Variants in ZNF224 observed in about 807,000 individuals in gnomAD.
The protein encoded by ZNF224 is zinc finger protein 224.
Under a neutral mutation model 10.5 loss-of-function variants are expected in ZNF224, and 8 were observed. That is an observed-to-expected ratio of 0.76 (90% CI 0.45 to 1.37). ZNF224 has a LOEUF of 1.37. Among genes scored for constraint, ZNF224 ranks in the 40% most tolerant of loss-of-function variants. The pLI is 0.00. For missense variants in ZNF224, 754 were observed against 854.0 expected (o/e 0.88, Z 1.46); for synonymous variants, 282 against 287.8 (o/e 0.98, Z 0.20).
At chr19:44,106,234 G>T in intron 5 of ZNF224, 162 bp from the exon 6 acceptor site, 1 of 680,894 alleles carries the variant, frequency 1.5e-6, no homozygotes, top group Non-Finnish European at 2.5e-6. Flanking sequence ...GGTTTAGTTC[G>T]AAATTGGCCT....
chr19:44,105,179 A>G (rs867319875), intron 5 of ZNF224, among the ~76,000 whole-genome samples: 2 of 152,184 alleles, frequency 1.3e-5, no homozygotes, highest in Non-Finnish European at 2.9e-5. Flanking sequence ...CCAGTGACCT[A>G]GTTTTACTCT....
rs750442629 is a variant in ZNF224, at chr19:44,101,174, G to C, written c.184G>C (p.Glu62Gln). Residue 62 changes from glutamate to glutamine, a missense_variant, in exon 5 of 6, where the codon GAA (glutamate) becomes CAA (glutamine). Coordinates refer to ENST00000693561, the MANE Select transcript of ZNF224 (RefSeq NM_001321645.3). ...CAGGGATACTTTCCACTTCCTAAGG[G>C]AAGAAAAGATTTGGATGATGAAGAC... ...FHRDTFHFLR[E>Q]EKIWMMKTAI... 1 of 1,614,158 alleles carries C rather than the reference G, an allele frequency of 6.2e-7. No individual in the cohort carries two copies. The highest frequency in any genetic ancestry group is 2.2e-5 in the East Asian group (1 of 44,880).
Position 44,107,945 on chromosome 19 carries a change from A to T in ZNF224, c.1785A>T (p.Pro595=), listed in dbSNP as rs201589103. ...SHQRVHTGEK[P]YKCDECGKGF... is the part of the protein sequence containing the mutation. ...AAAGAGTGCACACTGGAGAAAAGCC[A>T]TACAAATGTGATGAGTGTGGGAAGG... Residue 595 remains proline, a synonymous_variant, in exon 6 of 6, where the codon CCA becomes CCT. Coordinates refer to ENST00000693561, the MANE Select transcript of ZNF224 (RefSeq NM_001321645.3). 39 of 1,614,236 alleles carry T rather than the reference A, an allele frequency of 2.4e-5. No individual in the cohort carries two copies. In the African/African-American group the frequency reaches 5.1e-4, roughly 21 times the overall value.
intron 5 of ZNF224, among the ~76,000 whole-genome samples, chr19:44,103,731 C>A (rs1967592797): frequency 6.6e-6 from 1 of 151,988 alleles, no homozygotes. Flanking sequence ...CACTCTGTCA[C>A]CCATGCTGGA....
At position 44,107,380 on chromosome 19, in the gene ZNF224, A is replaced by G. The variant is rs1409257216; in HGVS notation, c.1220A>G (p.Lys407Arg). ...CCATTCAAATGTGAAGAATGTGGGA[A>G]AGGATTTTACACAAATTCACAATGC... ...EKPFKCEECG[K>R]GFYTNSQCYS... The change falls in exon 6 of 6, where the codon AAA (lysine) becomes AGA (arginine). Residue 407 changes from lysine to arginine, a missense_variant. By Grantham distance (26) the Lys-to-Arg change is conservative (BLOSUM62 2). Coordinates refer to ENST00000693561, the MANE Select transcript of ZNF224 (RefSeq NM_001321645.3). 1.2e-6 allele frequency: 2 copies of G among 1,603,116 alleles called. No homozygotes were observed. Among genetic ancestry groups the G allele is most frequent in the Admixed American group, 1.7e-5 (1 of 57,806 alleles).
chr19:44,106,393 T>C lies in ZNF224; in HGVS notation c.236-3T>C, dbSNP rs1967659674. ...CTCATCTTTTAATTCTGTATTCTGA[T>C]AGGAGACAAGATCCAAACTGAGATG... On this transcript the variant is annotated splice_region_variant and splice_polypyrimidine_tract_variant and intron_variant, in intron 5 of 5. Coordinates refer to ENST00000693561, the MANE Select transcript of ZNF224 (RefSeq NM_001321645.3). The C allele has an allele frequency of 6.2e-7, 1 of 1,614,094 alleles. No individual in the cohort carries two copies.
chr19:44,097,667 G>A, intron 2 of ZNF224, 139 bp from the exon 3 acceptor site: 1 of 537,734 alleles, frequency 1.9e-6, no homozygotes, highest in Non-Finnish European at 3.3e-6. Flanking sequence ...GGGCATTTTG[G>A]TTGTGCCGTT....
At chr19:44,095,120 C>T in intron 1 of ZNF224, 1 of 237,862 alleles carries the variant, frequency 4.2e-6, no homozygotes, top group Non-Finnish European at 8.9e-6. Context: ...AGAAGAGCTG[C>T]AGGGAGGGAC....
In ZNF224 at chr19:44,106,953, T is replaced by G. The variant is rs1356507173; in HGVS notation, c.793T>G (p.Cys265Gly). The change falls in exon 6 of 6, where the codon TGC (cysteine) becomes GGC (glycine). Residue 265 changes from cysteine (C) to glycine (G), a missense_variant. By Grantham distance (159) the Cys-to-Gly change is radical. Coordinates refer to ENST00000693561, the MANE Select transcript of ZNF224 (RefSeq NM_001321645.3). ...TGEKPYNCEE[C>G]GKAFIHDSQL... ...AGAGAAACCTTATAATTGTGAGGAA[T>G]GCGGGAAGGCCTTCATTCACGATTC... 1 of 1,610,540 alleles carries G rather than the reference T, an allele frequency of 6.2e-7. No homozygotes were observed. The highest frequency in any genetic ancestry group is 8.5e-7 in the Non-Finnish European group (1 of 1,177,946).
intron 5 of ZNF224, among the ~76,000 whole-genome samples, chr19:44,101,894 C>CCATAGTCAT (rs1967555117): frequency 6.6e-6 from 1 of 152,140 alleles, no homozygotes; most frequent in African/African-American, 2.4e-5. Context: ...ACTTGCATCC[C>CCATAGTCAT]CATAGTCATG....
chr19:44,098,281 C>T (rs1967481441), intron 3 of ZNF224, among the ~76,000 whole-genome samples: 1 of 152,132 alleles, frequency 6.6e-6, no homozygotes, highest in East Asian at 1.9e-4. Context: ...ATGGTTGCAC[C>T]ATATTCCCAT....
At position 44,108,431 on chromosome 19, in the gene ZNF224, A is replaced by C. The variant is rs2147538864; in HGVS notation, c.*147A>C. ...TTATCTCTGAATCCATGCTGGTGAT[A>C]AATTTCACCCATTCTTGGAAGAGGG... On this transcript the variant is annotated 3_prime_UTR_variant, in exon 6 of 6. Transcript: ENST00000693561. 1.2e-6 allele frequency: 1 copy of C among 866,088 alleles called. No individual in the cohort carries two copies. Among genetic ancestry groups the C allele is most frequent in the Middle Eastern group, 2.4e-4 (1 of 4,084 alleles). The allele number at this position is 866,088 out of a possible 1,614,324, so 53.7% of individuals were successfully genotyped here.
Position 44,108,661 on chromosome 19 carries a change from A to G in ZNF224, c.*377A>G. ...TACCAGACTAATGGTGGACATGTCC[A>G]AATTGATGTCCACTAGAATGTAAAC... On this transcript the variant is annotated 3_prime_UTR_variant, in exon 6 of 6. Coordinates refer to ENST00000693561, the MANE Select transcript of ZNF224 (RefSeq NM_001321645.3). The G allele has an allele frequency of 1.9e-6, 1 of 520,220 alleles. No individual in the cohort carries two copies. Among genetic ancestry groups the G allele is most frequent in the Non-Finnish European group, 3.8e-6 (1 of 261,038 alleles). 32.2% of individuals were successfully genotyped at this position (520,220 alleles called of 1,614,324 possible).
At chr19:44,097,746 G>A (rs371989080) in intron 2 of ZNF224, 60 bp from the exon 3 acceptor site, 10 of 948,628 alleles carry the variant, frequency 1.1e-5, no homozygotes, top group South Asian at 5.7e-5. Flanking sequence ...CCCTGTTGGT[G>A]GGTGGCATCC....
At position 44,109,041 on chromosome 19, in the gene ZNF224, T is replaced by C. The variant is rs1967771625; in HGVS notation, c.*757T>C. On this transcript the variant is annotated 3_prime_UTR_variant, in exon 6 of 6. Transcript: ENST00000693561. Reference sequence around the variant, plus strand: ...AGTCAGAGTATTATTTGTGGCTCTATGAAATGTCCATTGCTTGTATACGGT... The same window carrying C: ...AGTCAGAGTATTATTTGTGGCTCTACGAAATGTCCATTGCTTGTATACGGT... 3.1e-5 allele frequency: 6 copies of C among 193,780 alleles called. No individual in the cohort carries two copies. The South Asian group carries it at 4.2e-4, about 14-fold the overall frequency. 12.0% of individuals were successfully genotyped at this position (193,780 alleles called of 1,614,324 possible).
Position 44,106,400 on chromosome 19 carries a change from C to T in ZNF224, c.240C>T (p.Asp80=). The change falls in exon 6 of 6, where the codon GAC becomes GAT. Residue 80 remains aspartate (D), a synonymous_variant. Transcript: ENST00000693561. ...TAIQREGNSG[D]KIQTEMETVS... ...TTTAATTCTGTATTCTGATAGGAGA[C>T]AAGATCCAAACTGAGATGGAGACTG... is the stretch of plus-strand genomic sequence containing the variant. 2.5e-6 allele frequency: 4 copies of T among 1,614,066 alleles called. No individual in the cohort carries two copies. The highest frequency in any genetic ancestry group is 3.4e-6 in the Non-Finnish European group (4 of 1,180,000).
intron 3 of ZNF224, among the ~76,000 whole-genome samples, chr19:44,100,487 A>G (rs866519387): frequency 3.3e-5 from 5 of 152,246 alleles, no homozygotes; most frequent in African/African-American, 1.2e-4. Flanking sequence ...GTGATTGTCA[A>G]GATTTATCAA....
rs769175494 is a variant in ZNF224, at chr19:44,106,723, TCTC to T, written c.564_566del (p.Ser189del). On this transcript the variant is annotated inframe_deletion, in exon 6 of 6. Coordinates refer to ENST00000693561, the MANE Select transcript of ZNF224 (RefSeq NM_001321645.3). ...GAGTGTGGAAAGAACTTTTGTTACA[TCTC>T]AGCCCTTCGTATTCATCAGAGAGTC... 4 of 1,608,652 alleles carry T rather than the reference TCTC, an allele frequency of 2.5e-6. No individual in the cohort carries two copies. Among genetic ancestry groups the T allele is most frequent in the Non-Finnish European group, 3.4e-6 (4 of 1,176,934 alleles).
chr19:44,104,560 G>A (rs920270435), intron 5 of ZNF224, among the ~76,000 whole-genome samples: 1 of 152,168 alleles, frequency 6.6e-6, no homozygotes, highest in Non-Finnish European at 1.5e-5. Flanking sequence ...ACCAAATGAG[G>A]ATCTTGTATT....
Sources: allele counts gnomAD v4.1 joint callset (sites outside exome capture counted in the v4.1 genomes callset), GRCh38; gene constraint gnomAD v4.1.1; transcripts MANE v1.5; gene names NCBI Gene and HGNC (gene_info 2026-07-23, HGNC 2026-07-21).